SIRPG: variants seen among roughly 807,000 people sequenced by gnomAD.
The protein encoded by SIRPG is signal regulatory protein gamma, also known as signal-regulatory protein gamma.
A neutral mutation model predicts 35.7 loss-of-function variants in SIRPG; 38 were observed. That is an observed-to-expected ratio of 1.06 (90% confidence interval 0.82 to 1.40). SIRPG has a LOEUF of 1.40. Among genes scored for constraint, SIRPG ranks in the 40% most tolerant of loss-of-function variants. The pLI is 0.00. For missense variants in SIRPG, 519 were observed against 483.0 expected (o/e 1.07, Z -0.70); for synonymous variants, 215 against 190.4 (o/e 1.13, Z -1.06).
intron 4 of SIRPG, among the ~76,000 whole-genome samples, chr20:1,634,409 G>A (rs953436414): frequency 4.6e-5 from 7 of 151,710 alleles, no homozygotes; most frequent in South Asian, 2.1e-4. Flanking sequence ...GGGTTTCACC[G>A]TGTTAACCAG....
chr20:1,685,079 C>G, the SIRPG span, among the ~76,000 whole-genome samples: 1 of 152,190 alleles, frequency 6.6e-6, no homozygotes, highest in African/African-American at 2.4e-5. Context: ...CCCTGTGATT[C>G]TGGGGTCAGC....
chr20:1,642,302 G>T (rs565895870), intron 2 of SIRPG, among the ~76,000 whole-genome samples: 1 of 152,178 alleles, frequency 6.6e-6, no homozygotes, highest in Non-Finnish European at 1.5e-5. Context: ...TAGTTGAATT[G>T]ATCCCTTTAC....
At chr20:1,659,869 C>T (rs1332821036), upstream of SIRPG, among the ~76,000 whole-genome samples, 2 of 152,160 alleles carry the variant, frequency 1.3e-5, no homozygotes, top group Admixed American at 1.3e-4. Flanking sequence ...CCTGACAACC[C>T]ATGATCACAT....
rs766626221 is a variant in SIRPG, at chr20:1,635,640, G to A, written c.749-41C>T. On this transcript the variant is annotated intron_variant, in intron 3 of 5. Transcript: ENST00000303415. Reference sequence around the variant, plus strand: ...GTAGAAGCTCTGATCTTCTGGCACAGACAGATCACAGGGAGGGCTCCATAA... The same window carrying A: ...GTAGAAGCTCTGATCTTCTGGCACAAACAGATCACAGGGAGGGCTCCATAA... The A allele has an allele frequency of 4.3e-5, 68 of 1,593,514 alleles. No individual in the cohort carries two copies. The Admixed American group carries it at 1.1e-3, about 27-fold the overall frequency.
At chr20:1,668,249 T>TTCTTTCTTTC in the SIRPG span, among the ~76,000 whole-genome samples, 2 of 90,160 alleles carry the variant, frequency 2.2e-5, no homozygotes, top group Admixed American at 9.9e-5. Context: ...CTTTCTTTCT[T>TTCTTTCTTTC]TTTCTTTTTC....
chr20:1,648,651 T>TA lies in SIRPG; in HGVS notation c.430+400dup, dbSNP rs111984809. Among the ~76,000 whole-genome samples, 460 of 142,588 alleles carry TA rather than the reference T, an allele frequency of 3.2e-3. 2 individuals carry two copies. The highest frequency in any genetic ancestry group is 0.011 in the African/African-American group (413 of 37,862). The allele number at this position is 142,588 out of a possible 152,430, so 93.5% of individuals were successfully genotyped here. ...TTAAAGTATAATAAAATAAAATAAATAAAAAAAAATAAAAAAAAGAATATA... is the reference window on the plus strand; with the variant it reads ...TTAAAGTATAATAAAATAAAATAAATAAAAAAAAAATAAAAAAAAGAATATA... On this transcript the variant is annotated intron_variant, in intron 2 of 5. Coordinates refer to ENST00000303415, the MANE Select transcript of SIRPG (RefSeq NM_018556.4).
the SIRPG span, among the ~76,000 whole-genome samples, chr20:1,673,266 T>A: frequency 2.2e-4 from 34 of 152,280 alleles, no homozygotes; most frequent in Non-Finnish European, 4.7e-4. Context: ...TATGGGAGCC[T>A]GATGCTGCCT....
the SIRPG span, among the ~76,000 whole-genome samples, chr20:1,679,110 A>G: frequency 1.9e-4 from 29 of 152,276 alleles, no homozygotes; most frequent in African/African-American, 6.7e-4. Context: ...AAGGGGTGGC[A>G]TCAGGTCATG....
At chr20:1,675,094 A>G in the SIRPG span, among the ~76,000 whole-genome samples, 1 of 152,092 alleles carries the variant, frequency 6.6e-6, no homozygotes, top group African/African-American at 2.4e-5. Flanking sequence ...GGGCCCAGAT[A>G]CCCTGTAGCC....
At position 1,631,771 on chromosome 20, in the gene SIRPG, C is replaced by T. The variant is rs1188332977; in HGVS notation, c.1082-1465G>A. 2.6e-5 allele frequency among the ~76,000 whole-genome samples: 4 copies of T among 152,268 alleles called. No individual in the cohort carries two copies. The South Asian group carries it at 6.2e-4, about 24-fold the overall frequency. On this transcript the variant is annotated intron_variant, in intron 4 of 5. Coordinates refer to ENST00000303415, the MANE Select transcript of SIRPG (RefSeq NM_018556.4). ...TTTCACTGGCAGTAAGCTGGGATGGCGTAACCACAGGCAGGAAATTCCTTG... is the reference window on the plus strand; with the variant it reads ...TTTCACTGGCAGTAAGCTGGGATGGTGTAACCACAGGCAGGAAATTCCTTG...
At chr20:1,641,411 T>A (rs2091851104) in intron 2 of SIRPG, among the ~76,000 whole-genome samples, 1 of 152,240 alleles carries the variant, frequency 6.6e-6, no homozygotes, top group African/African-American at 2.4e-5. Context: ...GTGTTCATAG[T>A]ATTTTCTGAT....
chr20:1,667,461 A>G, the SIRPG span, among the ~76,000 whole-genome samples: 6 of 152,246 alleles, frequency 3.9e-5, no homozygotes, highest in African/African-American at 1.4e-4. Flanking sequence ...AGAGACACAC[A>G]GCAAAGGAAA....
upstream of SIRPG, chr20:1,657,883 G>A (rs112017837): frequency 3.4e-6 from 2 of 588,918 alleles, no homozygotes. Flanking sequence ...ATCAGGCACA[G>A]TAGGCAGCTA....
chr20:1,685,488 A>G, the SIRPG span, among the ~76,000 whole-genome samples: 1 of 152,118 alleles, frequency 6.6e-6, no homozygotes, highest in Admixed American at 6.5e-5. Context: ...ACGGCCATCT[A>G]CGAGCCAGTA....
At chr20:1,634,855 A>G (rs942086040) in intron 4 of SIRPG, among the ~76,000 whole-genome samples, 1 of 151,736 alleles carries the variant, frequency 6.6e-6, no homozygotes, top group African/African-American at 2.4e-5. Flanking sequence ...CATCCTGGCT[A>G]ACACGGTGAA....
rs560880971 is a variant in SIRPG at position 1,650,466 on chromosome 20, A to G, written c.74-1058T>C. Among the ~76,000 whole-genome samples, 20 of 152,330 alleles carry G rather than the reference A, an allele frequency of 1.3e-4. No individual in the cohort carries two copies. In the South Asian group the frequency reaches 4.1e-3, roughly 32 times the overall value. ...TTGAAAATACAACAATTGAAAGTTCAGTAGAGGGGTTCCCCAACAGGTGTG... is the reference window on the plus strand; with the variant it reads ...TTGAAAATACAACAATTGAAAGTTCGGTAGAGGGGTTCCCCAACAGGTGTG... On this transcript the variant is annotated intron_variant, in intron 1 of 5. Coordinates refer to ENST00000303415, the MANE Select transcript of SIRPG (RefSeq NM_018556.4).
At chr20:1,678,086 T>A in the SIRPG span, among the ~76,000 whole-genome samples, 3 of 152,100 alleles carry the variant, frequency 2.0e-5, no homozygotes, top group Non-Finnish European at 2.9e-5. Flanking sequence ...TTTTCTGGAG[T>A]CTCTGTTCTT....
rs2091983629 is a variant in SIRPG at position 1,657,664 on chromosome 20, C to A, written c.51G>T (p.Leu17=). 1 of 1,614,194 alleles carries A rather than the reference C, an allele frequency of 6.2e-7. No homozygotes were observed. Among genetic ancestry groups the A allele is most frequent in the South Asian group, 1.1e-5 (1 of 91,078 alleles). The part of the protein sequence containing the change: ...WPHPPGPFLL[L]TLLLGLTEVA... ...CACCTGTAAGTCCCAGCAGTAGAGT[C>A]AGAAGCAGGAAAGGACCAGGAGGAT... The change falls in exon 1 of 6, where the codon CTG becomes CTT. Residue 17 remains leucine (L), a synonymous_variant. Transcript: ENST00000303415.
the SIRPG span, among the ~76,000 whole-genome samples, chr20:1,674,325 C>A: frequency 6.6e-6 from 1 of 152,086 alleles, no homozygotes; most frequent in African/African-American, 2.4e-5. Flanking sequence ...GAAGCACTGA[C>A]CCATCTGAGG....
Sources: allele counts gnomAD v4.1 joint callset (sites outside exome capture counted in the v4.1 genomes callset), GRCh38; gene constraint gnomAD v4.1.1; transcripts MANE v1.5; gene names NCBI Gene and HGNC (gene_info 2026-07-23, HGNC 2026-07-21).